ARID5B: variants seen among roughly 807,000 people sequenced by gnomAD.
The protein encoded by ARID5B is AT-rich interactive domain-containing protein 5B.
ARID5B carries 13 observed loss-of-function variants against 97.2 expected under a neutral mutation model. That is an observed-to-expected ratio of 0.13 (90% CI 0.09 to 0.21). The LOEUF is 0.21. ARID5B is among the 10% of genes least tolerant of loss of function. The pLI is 1.00. For missense variants in ARID5B, 1,210 were observed against 1,465.3 expected (o/e 0.83, Z 2.84); for synonymous variants, 556 against 570.3 (o/e 0.97, Z 0.36).
intron 2 of ARID5B, among the ~76,000 whole-genome samples, chr10:61,917,154 T>C (rs973232033): frequency 1.2e-4 from 17 of 137,882 alleles, no homozygotes; most frequent in African/African-American, 4.7e-4. Flanking sequence ...AGTAAGATCC[T>C]GTTTCTAGTA....
At chr10:62,027,277 A>AGTATCTCC (rs1839432853) in intron 4 of ARID5B, among the ~76,000 whole-genome samples, 1 of 128,038 alleles carries the variant, frequency 7.8e-6, no homozygotes, top group Non-Finnish European at 1.6e-5. Context: ...TTAGCCTCAC[A>AGTATCTCC]GTATCTCCTT....
chr10:62,026,735 A>G (rs1446606898), intron 4 of ARID5B, among the ~76,000 whole-genome samples: 1 of 152,158 alleles, frequency 6.6e-6, no homozygotes, highest in Non-Finnish European at 1.5e-5. Flanking sequence ...GATTTGCTCT[A>G]AATATGTTGA....
At chr10:61,981,072 T>C (rs1241974635) in intron 3 of ARID5B, among the ~76,000 whole-genome samples, 2 of 152,224 alleles carry the variant, frequency 1.3e-5, no homozygotes, top group African/African-American at 2.4e-5. Context: ...CAGAGTCACC[T>C]TGAACAGGTT....
intron 4 of ARID5B, among the ~76,000 whole-genome samples, chr10:62,033,506 T>C (rs1254734055): frequency 6.6e-6 from 1 of 152,240 alleles, no homozygotes; most frequent in Non-Finnish European, 1.5e-5. Flanking sequence ...GTATACCAGA[T>C]GCCTTTTGTC....
chr10:62,002,972 G>C (rs1188661241), intron 4 of ARID5B, among the ~76,000 whole-genome samples: 1 of 152,118 alleles, frequency 6.6e-6, no homozygotes, highest in Admixed American at 6.6e-5. Flanking sequence ...TAGAGCTGAT[G>C]GCAAAGAGTT....
intron 3 of ARID5B, among the ~76,000 whole-genome samples, chr10:61,946,384 A>G (rs902195039): frequency 2.6e-5 from 4 of 152,184 alleles, no homozygotes; most frequent in African/African-American, 9.7e-5. Flanking sequence ...GAGACTTTTC[A>G]CTGCTAATGA....
At chr10:61,927,735 G>A (rs777480473) in intron 2 of ARID5B, among the ~76,000 whole-genome samples, 17 of 152,174 alleles carry the variant, frequency 1.1e-4, no homozygotes, top group Non-Finnish European at 2.4e-4. Flanking sequence ...AGATGAGATA[G>A]CTTTTTATTT....
At chr10:61,903,295 A>T (rs936427808) in intron 2 of ARID5B, among the ~76,000 whole-genome samples, 2 of 151,546 alleles carry the variant, frequency 1.3e-5, no homozygotes, top group Non-Finnish European at 2.9e-5. Context: ...CCTCCCCGGC[A>T]CGTTTCTGGG....
In ARID5B at chr10:62,014,751, G is replaced by A. The variant is rs181385813; in HGVS notation, c.733+14430G>A. 3.5e-4 allele frequency among the ~76,000 whole-genome samples: 53 copies of A among 152,212 alleles called. No homozygotes were observed. The East Asian group carries it at 9.5e-3, about 27-fold the overall frequency. ...TCTCAGGTCCCTTTGAGAATCAGAT[G>A]AAAGCTATGAATCTTCTCATAAAAA... On this transcript the variant is annotated intron_variant, in intron 4 of 9. Coordinates refer to ENST00000279873, the MANE Select transcript of ARID5B (RefSeq NM_032199.3).
chr10:62,062,650 G>T (rs2132945311), intron 7 of ARID5B, among the ~76,000 whole-genome samples: 1 of 152,154 alleles, frequency 6.6e-6, no homozygotes, highest in South Asian at 2.1e-4. Context: ...GAGAGTTTCT[G>T]ACAAGTATTT....
rs1589297739 is a variant in ARID5B, at chr10:62,095,645, G to A, written c.*2615G>A. 3 of 233,384 alleles carry A rather than the reference G, an allele frequency of 1.3e-5. No individual in the cohort carries two copies. The highest frequency in any genetic ancestry group is 2.5e-5 in the Non-Finnish European group (3 of 117,826). 14.5% of individuals were successfully genotyped at this position (233,384 alleles called of 1,614,324 possible). A position where few individuals can be genotyped will look rare whatever the true frequency, so the allele number is the denominator to read the frequency against. The stretch of plus-strand genomic sequence containing the variant: ...GGGGTACGCATTCCCAACAGAAGCA[G>A]TGTGTTATTTGTTTTAAAACTCTGA... On this transcript the variant is annotated 3_prime_UTR_variant, in exon 10 of 10. Transcript: ENST00000279873.
chr10:62,000,715 C>T lies in ARID5B; in HGVS notation c.733+394C>T, dbSNP rs192658904. Among the ~76,000 whole-genome samples the T allele has an allele frequency of 6.6e-6, 1 of 152,218 alleles. No individual in the cohort carries two copies. The highest frequency in any genetic ancestry group is 1.9e-4 in the East Asian group (1 of 5,188). On this transcript the variant is annotated intron_variant, in intron 4 of 9. Transcript: ENST00000279873. The surrounding 1 kb of genome is among the most constrained non-coding windows in gnomAD (Gnocchi z 4.4). Reference sequence around the variant, plus strand: ...TGTAAAAATGCACCAATGGTAACCACTTCAGTAGTAAACAGTGAATAGATA... The same window carrying T: ...TGTAAAAATGCACCAATGGTAACCATTTCAGTAGTAAACAGTGAATAGATA...
intron 2 of ARID5B, among the ~76,000 whole-genome samples, chr10:61,916,045 C>T (rs1395192631): frequency 1.3e-5 from 2 of 151,712 alleles, no homozygotes; most frequent in African/African-American, 4.8e-5. Context: ...CGTGAGCCAC[C>T]GTGTCTAGCC....
chr10:62,077,242 G>A (rs942582200), intron 8 of ARID5B, among the ~76,000 whole-genome samples: 6 of 152,134 alleles, frequency 3.9e-5, no homozygotes, highest in African/African-American at 1.4e-4. Context: ...TGCCTAAAAT[G>A]CTCTGATAAC....
chr10:61,947,850 C>A (rs1396141922), intron 3 of ARID5B, among the ~76,000 whole-genome samples: 1 of 152,152 alleles, frequency 6.6e-6, no homozygotes. Flanking sequence ...GATAATGCTG[C>A]CCAGGTACTT....
intron 8 of ARID5B, among the ~76,000 whole-genome samples, chr10:62,080,686 T>G (rs1299805171): frequency 1.3e-5 from 2 of 152,182 alleles, no homozygotes; most frequent in Non-Finnish European, 2.9e-5. Flanking sequence ...CTGTAGAAAT[T>G]TATCAAGGCT....
At chr10:62,028,962 A>G (rs922031944) in intron 4 of ARID5B, among the ~76,000 whole-genome samples, 3 of 148,388 alleles carry the variant, frequency 2.0e-5, no homozygotes, top group Non-Finnish European at 4.4e-5. Flanking sequence ...GTCTCAAAAA[A>G]AAAAAAAAAA....
intron 3 of ARID5B, among the ~76,000 whole-genome samples, chr10:61,952,478 A>G (rs1181818297): frequency 6.6e-6 from 1 of 152,012 alleles, no homozygotes; most frequent in Non-Finnish European, 1.5e-5. Flanking sequence ...AAAAGTCTTA[A>G]CTCTATAGTG....
At chr10:62,012,906 T>G (rs557202644) in intron 4 of ARID5B, among the ~76,000 whole-genome samples, 1 of 152,196 alleles carries the variant, frequency 6.6e-6, no homozygotes, top group South Asian at 2.1e-4. Context: ...TTATATTGTT[T>G]CCTCCACAGT....
Sources: allele counts gnomAD v4.1 joint callset (sites outside exome capture counted in the v4.1 genomes callset), GRCh38; gene constraint gnomAD v4.1.1; non-coding constraint Gnocchi (gnomAD v3.1); transcripts MANE v1.5; gene names NCBI Gene and HGNC (gene_info 2026-07-23, HGNC 2026-07-21).